Variants in HS3ST2 observed in about 807,000 individuals in gnomAD.
HS3ST2 encodes the protein heparan sulfate glucosamine 3-O-sulfotransferase 2.
HS3ST2 carries 17 observed loss-of-function variants against 26.3 expected under a neutral mutation model. That is an observed-to-expected ratio of 0.65 (90% CI 0.44 to 0.97). HS3ST2 has a LOEUF of 0.97. Ranked by LOEUF, HS3ST2 falls within the 50% of genes least tolerant of loss-of-function variation. The pLI is 0.00. For synonymous variants in HS3ST2, 237 were observed against 219.2 expected (o/e 1.08, Z -0.72); for missense variants, 402 against 501.2 (o/e 0.80, Z 1.89).
intron 1 of HS3ST2, among the ~76,000 whole-genome samples, chr16:22,821,348 A>G (rs1317528162): frequency 6.6e-6 from 1 of 151,278 alleles, no homozygotes; most frequent in Non-Finnish European, 1.5e-5. Context: ...ATGCTTTGGT[A>G]ATATTCTGTG....
rs140193551 is a variant in HS3ST2 at position 22,899,624 on chromosome 16, G to A, written c.486-15320G>A. Among the ~76,000 whole-genome samples, 23 of 152,284 alleles carry A rather than the reference G, an allele frequency of 1.5e-4. No homozygotes were observed. In the East Asian group the frequency reaches 3.9e-3, roughly 26 times the overall value. ...TACCCAAGACTGGGTAATCTGTAAAGGAAAGAGGTTTAATAGACTCACAGT... is the reference window on the plus strand; with the variant it reads ...TACCCAAGACTGGGTAATCTGTAAAAGAAAGAGGTTTAATAGACTCACAGT... On this transcript the variant is annotated intron_variant, in intron 1 of 1. Transcript: ENST00000261374.
In HS3ST2 at chr16:22,913,293, CA is replaced by C. The variant is rs1902450222; in HGVS notation, c.486-1650del. On this transcript the variant is annotated intron_variant, in intron 1 of 1. Transcript: ENST00000261374. ...TCATCAAGAAGTAGCGGTTGGGAAC[CA>C]GGGATGCTCCCGTCCATCAAGGCCT... Among the ~76,000 whole-genome samples, 3 of 152,076 alleles carry C rather than the reference CA, an allele frequency of 2.0e-5. No individual in the cohort carries two copies. The South Asian group carries it at 6.3e-4, about 32-fold the overall frequency.
intron 1 of HS3ST2, among the ~76,000 whole-genome samples, chr16:22,883,926 C>T (rs1265326974): frequency 6.6e-6 from 1 of 152,166 alleles, no homozygotes; most frequent in East Asian, 1.9e-4. Flanking sequence ...CTTCCCTCAC[C>T]CTCTCTGGGG....
chr16:22,871,404 C>G (rs1901836694), intron 1 of HS3ST2, among the ~76,000 whole-genome samples: 1 of 151,516 alleles, frequency 6.6e-6, no homozygotes, highest in South Asian at 2.1e-4. Context: ...ATGATTTTGC[C>G]AAACCATAAG....
chr16:22,908,023 G>A (rs992723081), intron 1 of HS3ST2, among the ~76,000 whole-genome samples: 12 of 152,146 alleles, frequency 7.9e-5, no homozygotes, highest in Admixed American at 6.5e-5. Context: ...GCTACTTGGG[G>A]AGCTGAGGCA....
At chr16:22,843,401 C>T (rs558307520) in intron 1 of HS3ST2, among the ~76,000 whole-genome samples, 4 of 152,298 alleles carry the variant, frequency 2.6e-5, no homozygotes, top group South Asian at 2.1e-4. Flanking sequence ...CCCTCCTGCC[C>T]GCTAGTTGCA....
chr16:22,828,131 C>T (rs1307460240), intron 1 of HS3ST2, among the ~76,000 whole-genome samples: 5 of 152,138 alleles, frequency 3.3e-5, no homozygotes, highest in Non-Finnish European at 7.3e-5. Context: ...TCATAGACGT[C>T]CCTAAACTAA....
rs59528774 is a variant in HS3ST2 at position 22,902,722 on chromosome 16, T to C, written c.486-12222T>C. Among the ~76,000 whole-genome samples the C allele has an allele frequency of 7.0e-3, 1,037 of 147,314 alleles. 14 individuals are homozygous for C. The highest frequency in any genetic ancestry group is 0.025 in the African/African-American group (984 of 39,646). ...ATCATAATTGTTACAATTAAAAAAA[T>C]TTTTTTTCCAGCCTTACAGGTGAAT... On this transcript the variant is annotated intron_variant, in intron 1 of 1. Coordinates refer to ENST00000261374, the MANE Select transcript of HS3ST2 (RefSeq NM_006043.2).
chr16:22,913,934 C>T (rs1902457162), intron 1 of HS3ST2, among the ~76,000 whole-genome samples: 1 of 151,962 alleles, frequency 6.6e-6, no homozygotes, highest in African/African-American at 2.4e-5. Flanking sequence ...CCCAGGAGTT[C>T]AAGACCACCC....
At chr16:22,841,127 T>C (rs559395383) in intron 1 of HS3ST2, among the ~76,000 whole-genome samples, 1 of 152,070 alleles carries the variant, frequency 6.6e-6, no homozygotes, top group Non-Finnish European at 1.5e-5. Context: ...AATGGCGCGA[T>C]CTCAGCTCAC....
At chr16:22,862,550 G>A (rs115349465) in intron 1 of HS3ST2, among the ~76,000 whole-genome samples, 1,601 of 152,314 alleles carry the variant, frequency 0.011, 31 homozygotes, top group African/African-American at 0.037. Flanking sequence ...TTTGGACTCA[G>A]AGCATTTGAT....
At chr16:22,848,477 A>G (rs539110634) in intron 1 of HS3ST2, among the ~76,000 whole-genome samples, 6 of 152,332 alleles carry the variant, frequency 3.9e-5, no homozygotes, top group Admixed American at 3.3e-4. Flanking sequence ...CTGGAGCAGA[A>G]GATGATGGCT....
intron 1 of HS3ST2, among the ~76,000 whole-genome samples, chr16:22,846,174 G>C (rs928438538): frequency 6.6e-6 from 1 of 152,076 alleles, no homozygotes; most frequent in East Asian, 1.9e-4. Flanking sequence ...CTACTTGGGA[G>C]GCTGAGGCAG....
chr16:22,874,683 C>T (rs1480508201), intron 1 of HS3ST2, among the ~76,000 whole-genome samples: 1 of 152,224 alleles, frequency 6.6e-6, no homozygotes, highest in African/African-American at 2.4e-5. Flanking sequence ...GAACCTGTTA[C>T]AGTCAAGACA....
chr16:22,853,644 A>T (rs1901549051), intron 1 of HS3ST2, among the ~76,000 whole-genome samples: 1 of 152,170 alleles, frequency 6.6e-6, no homozygotes, highest in Admixed American at 6.5e-5. Flanking sequence ...CTTCAAGATG[A>T]GATGGGCCTG....
intron 1 of HS3ST2, among the ~76,000 whole-genome samples, chr16:22,836,797 C>T (rs75851372): frequency 0.014 from 2,085 of 152,180 alleles, 21 homozygotes; most frequent in Middle Eastern, 0.027. Flanking sequence ...GCATGCATCA[C>T]CACGCCTGGC....
At chr16:22,870,263 C>T (rs948098220) in intron 1 of HS3ST2, among the ~76,000 whole-genome samples, 30 of 152,192 alleles carry the variant, frequency 2.0e-4, no homozygotes, top group African/African-American at 7.2e-4. Context: ...CCAGAAATGC[C>T]TAATAACCTG....
intron 1 of HS3ST2, among the ~76,000 whole-genome samples, chr16:22,857,206 T>G (rs1350400279): frequency 6.6e-6 from 1 of 152,220 alleles, no homozygotes; most frequent in African/African-American, 2.4e-5. Context: ...AGTATAGTGA[T>G]GAAAGTAATG....
intron 1 of HS3ST2, among the ~76,000 whole-genome samples, chr16:22,862,711 G>C (rs1027062343): frequency 5.9e-5 from 9 of 152,156 alleles, no homozygotes; most frequent in African/African-American, 2.2e-4. Context: ...GGTATTCAAG[G>C]CATGGCTGAT....
Sources: allele counts gnomAD v4.1 joint callset (sites outside exome capture counted in the v4.1 genomes callset), GRCh38; gene constraint gnomAD v4.1.1; transcripts MANE v1.5; gene names NCBI Gene and HGNC (gene_info 2026-07-23, HGNC 2026-07-21).